Variants in SLC26A6 observed in about 807,000 individuals in gnomAD.
SLC26A6 encodes solute carrier family 26 member 6, also known as anion exchange transporter.
SLC26A6 carries 67 observed loss-of-function variants against 87.1 expected under a neutral mutation model. The ratio of observed to expected loss-of-function variants is 0.77; its 90% CI spans 0.63 to 0.94. The LOEUF (loss-of-function observed/expected upper bound fraction) is 0.94, where lower values mean the gene tolerates loss of function less well. Ranked by LOEUF, SLC26A6 falls within the 40% of genes least tolerant of loss-of-function variation. SLC26A6 has a pLI of 0.00. For synonymous variants in SLC26A6, 414 were observed against 405.9 expected (o/e 1.02, Z -0.24); for missense variants, 902 against 973.0 (o/e 0.93, Z 0.97).
chr3:48,628,328 G>T lies in SLC26A6; in HGVS notation c.1800+106C>A. On this transcript the variant is annotated intron_variant, in intron 16 of 20. Transcript: ENST00000395550. The surrounding 1 kb of genome is among the most constrained non-coding windows in gnomAD (Gnocchi z 4.4). ...CCCTGGGAGCATGAGGGAGAAAGGG[G>T]AAGGGATGAGGAGTGAGGACGAGGG... The T allele has an allele frequency of 6.9e-7, 1 of 1,449,562 alleles. No homozygotes were observed. The allele number at this position is 1,449,562 out of a possible 1,614,324, so 89.8% of individuals were successfully genotyped here.
rs889629530 is a variant in SLC26A6 at position 48,628,524 on chromosome 3, G to T, written c.1710C>A (p.Asp570Glu). The change falls in exon 16 of 21, where the codon GAC (aspartate) becomes GAA (glutamate). Residue 570 changes from aspartate (D) to glutamate (E), a missense_variant. Physicochemically the swap from Asp to Glu is conservative, Grantham distance 45. Transcript: ENST00000395550. The surrounding 1 kb of genome is among the most constrained non-coding windows in gnomAD (Gnocchi z 4.4). ...ALKQRCGVDV[D>E]FLISQKKKLL... ...GTTTCTTCTTCTGGGAGATGAGGAA[G>T]TCGACATCCACACCACACTGGAGGC... 6.2e-7 allele frequency: 1 copy of T among 1,614,052 alleles called. No homozygotes were observed. The highest frequency in any genetic ancestry group is 1.1e-5 in the South Asian group (1 of 91,082).
At chr3:48,627,155 A>C (rs940510745) in intron 17 of SLC26A6, 100 bp from the exon 18 acceptor site, 5 of 1,402,834 alleles carry the variant, frequency 3.6e-6, no homozygotes, top group Non-Finnish European at 9.7e-7. Context: ...GATGGGGAGC[A>C]TGCATGGGAC....
Position 48,633,583 on chromosome 3 carries a change from T to C in SLC26A6, c.76A>G (p.Arg26Gly). 6.2e-7 allele frequency: 1 copy of C among 1,613,530 alleles called. No individual in the cohort carries two copies. Among genetic ancestry groups the C allele is most frequent in the South Asian group, 1.1e-5 (1 of 91,086 alleles). The stretch of plus-strand genomic sequence containing the variant: ...GGCCGTTCCATGTGGTAGTCTCGCC[T>C]CCGCAGGTCCATTGCTTGTGTTGCA... ...LSATQAMDLR[R>G]RDYHMERPLL... The change falls in exon 2 of 21, where the codon AGG becomes GGG. Residue 26 changes from arginine to glycine, a missense_variant. By Grantham distance (125) the Arg-to-Gly change is moderately radical. Around this residue, in one of 3 missense-constraint regions of SLC26A6, gnomAD observed 800 missense variants for 856.8 expected, o/e 0.93. Coordinates refer to ENST00000395550, the MANE Select transcript of SLC26A6 (RefSeq NM_022911.3).
intron 4 of SLC26A6, chr3:48,632,688 TC>T (rs2046839530): frequency 1.5e-6 from 1 of 687,172 alleles, no homozygotes; most frequent in Admixed American, 2.0e-5. Flanking sequence ...AGGGAAGGGG[TC>T]AGGGCTGGCC....
intron 7 of SLC26A6, 126 bp downstream of exon 7, chr3:48,631,523 C>A (rs1393779621): frequency 3.1e-6 from 4 of 1,308,840 alleles, no homozygotes; most frequent in Non-Finnish European, 4.1e-6. Flanking sequence ...GCTGTGCCCC[C>A]CACAATACCC....
chr3:48,628,196 G>T lies in SLC26A6; in HGVS notation c.1801-158C>A, dbSNP rs2046679019. On this transcript the variant is annotated intron_variant, in intron 16 of 20. Coordinates refer to ENST00000395550, the MANE Select transcript of SLC26A6 (RefSeq NM_022911.3). The surrounding 1 kb of genome is among the most constrained non-coding windows in gnomAD (Gnocchi z 4.4). ...CAGCCAGGCTGAAGCTCCTGGAACA[G>T]CCGTGAAAGGGAAGAGGACTGTGAC... 2.6e-6 allele frequency: 2 copies of T among 783,140 alleles called. No homozygotes were observed. The highest frequency in any genetic ancestry group is 4.0e-6 in the Non-Finnish European group (2 of 495,076). The allele number at this position is 783,140 out of a possible 1,614,324, so 48.5% of individuals were successfully genotyped here.
chr3:48,633,657 G>C, intron 1 of SLC26A6, 22 bp from the exon 2 acceptor site: 16 of 1,611,846 alleles, frequency 9.9e-6, no homozygotes, highest in Non-Finnish European at 1.4e-5. Flanking sequence ...AGACCAGAGA[G>C]ACACAGTGAA....
chr3:48,626,099 A>G, intron 20 of SLC26A6, 99 bp from the exon 21 acceptor site: 1 of 1,611,028 alleles, frequency 6.2e-7, no homozygotes, highest in East Asian at 2.2e-5. Flanking sequence ...CGGAGAAAGC[A>G]CTGGGCCCAC....
intron 20 of SLC26A6, 57 bp from the exon 21 acceptor site, chr3:48,626,057 C>G: frequency 6.2e-7 from 1 of 1,613,124 alleles, no homozygotes; most frequent in Non-Finnish European, 8.5e-7. Context: ...CAGACCAACC[C>G]CCGCCCCTAG....
chr3:48,632,612 C>T (rs2106670780), intron 4 of SLC26A6: 2 of 722,996 alleles, frequency 2.8e-6, no homozygotes, highest in Middle Eastern at 4.6e-4. Context: ...AAATGCTGGC[C>T]CTGTCTCATC....
At chr3:48,634,686 G>C in intron 1 of SLC26A6, 1 of 981,942 alleles carries the variant, frequency 1.0e-6, no homozygotes, top group Non-Finnish European at 1.2e-6. Context: ...TCTAGGAAAA[G>C]CCCTGACCTG....
chr3:48,631,822 A>G (rs1473995082), intron 6 of SLC26A6, 21 bp from the exon 7 acceptor site: 2 of 1,613,154 alleles, frequency 1.2e-6, no homozygotes, highest in Admixed American at 1.7e-5. Context: ...GCCAGGTCAC[A>G]GCTAGCACTC....
At chr3:48,634,127 A>C in intron 1 of SLC26A6, 1 of 164,606 alleles carries the variant, frequency 6.1e-6, no homozygotes, top group Admixed American at 5.6e-5. Context: ...CTCCCCTCTA[A>C]GGGAAGGAAA....
At chr3:48,634,826 G>T in intron 1 of SLC26A6, 1 of 853,696 alleles carries the variant, frequency 1.2e-6, no homozygotes, top group South Asian at 5.4e-5. Flanking sequence ...ATCTCAAGGA[G>T]ATCGTAGAGC....
Position 48,633,471 on chromosome 3 carries a change from C to A in SLC26A6, c.182+6G>T, listed in dbSNP as rs746128824. 67 of 1,612,714 alleles carry A rather than the reference C, an allele frequency of 4.2e-5. No individual in the cohort carries two copies. The highest frequency in any genetic ancestry group is 5.6e-5 in the Non-Finnish European group (66 of 1,179,822). On this transcript the variant is annotated splice_donor_region_variant and intron_variant, in intron 2 of 20. Transcript: ENST00000395550. ...CAGCGCCCCCAGGCCCCAATCTTGG[C>A]CTTACTGCAACCAGGTCCGCCACTG...
At position 48,628,365 on chromosome 3, in the gene SLC26A6, G is replaced by T. The variant is rs773537326; in HGVS notation, c.1800+69C>A. The T allele has an allele frequency of 4.4e-6, 7 of 1,590,008 alleles. No individual in the cohort carries two copies. The Admixed American group carries it at 8.5e-5, about 19-fold the overall frequency. On this transcript the variant is annotated intron_variant, in intron 16 of 20. Coordinates refer to ENST00000395550, the MANE Select transcript of SLC26A6 (RefSeq NM_022911.3). The surrounding 1 kb of genome is among the most constrained non-coding windows in gnomAD (Gnocchi z 4.4). The stretch of plus-strand genomic sequence containing the variant: ...AGTGAGGACGAGGGAGGAGTCGGGG[G>T]CCAGGAGAAAGGCTGGGGCAGGGAA...
chr3:48,627,199 G>T, intron 17 of SLC26A6, 144 bp from the exon 18 acceptor site: 1 of 964,948 alleles, frequency 1.0e-6, no homozygotes, highest in Non-Finnish European at 1.5e-6. Context: ...AGTCACATAG[G>T]TGTGCAAAGA....
Position 48,628,383 on chromosome 3 carries a change from G to A in SLC26A6, c.1800+51C>T, listed in dbSNP as rs938165796. 1 of 1,608,398 alleles carries A rather than the reference G, an allele frequency of 6.2e-7. No homozygotes were observed. Among genetic ancestry groups the A allele is most frequent in the Non-Finnish European group, 8.5e-7 (1 of 1,177,140 alleles). ...GTCGGGGGCCAGGAGAAAGGCTGGG[G>A]CAGGGAACAGGGGGCAGGAGATGGG... On this transcript the variant is annotated intron_variant, in intron 16 of 20. Coordinates refer to ENST00000395550, the MANE Select transcript of SLC26A6 (RefSeq NM_022911.3). This position sits in a 1 kb window ranked among gnomAD's most constrained non-coding sequence, Gnocchi z 4.4.
intron 1 of SLC26A6, among the ~76,000 whole-genome samples, chr3:48,634,960 G>T (rs1240987458): frequency 6.6e-6 from 1 of 152,222 alleles, no homozygotes; most frequent in Non-Finnish European, 1.5e-5. Context: ...GAAGGCAACT[G>T]GGGCCAGAAA....
Sources: allele counts gnomAD v4.1 joint callset (sites outside exome capture counted in the v4.1 genomes callset), GRCh38; gene constraint gnomAD v4.1.1; regional missense constraint gnomAD v4.1.1; non-coding constraint Gnocchi (gnomAD v3.1); transcripts MANE v1.5; gene names NCBI Gene and HGNC (gene_info 2026-07-23, HGNC 2026-07-21).